The following GRIA3 variants were observed in gnomAD, a reference collection of about 807,000 sequenced individuals.
GRIA3 encodes glutamate ionotropic receptor AMPA type subunit 3.
A neutral mutation model predicts 63.0 loss-of-function variants in GRIA3; 3 were observed. That is an observed-to-expected ratio of 0.05 (90% CI 0.02 to 0.12). The LOEUF is 0.12. Among genes scored for constraint, GRIA3 ranks in the 10% least tolerant of loss-of-function variants. The pLI is 1.00. For synonymous variants in GRIA3, 274 were observed against 257.9 expected (o/e 1.06, Z -0.60); for missense variants, 347 against 700.9 (o/e 0.50, Z 5.70).
intron 3 of GRIA3, among the ~76,000 whole-genome samples, chrX:123,286,998 C>T (rs1404673003): frequency 2.7e-5 from 3 of 111,516 alleles, no homozygotes; most frequent in African/African-American, 6.5e-5. Flanking sequence ...TGATGAACAT[C>T]GATGCAAAAA....
At chrX:123,250,856 C>T (rs1227656371) in intron 2 of GRIA3, among the ~76,000 whole-genome samples, 1 of 111,985 alleles carries the variant, frequency 8.9e-6, no homozygotes, top group Non-Finnish European at 1.9e-5. Flanking sequence ...ACCTGAAATT[C>T]AAATTTAATT....
At chrX:123,311,500 G>A (rs1429789924) in intron 3 of GRIA3, among the ~76,000 whole-genome samples, 1 of 112,337 alleles carries the variant, frequency 8.9e-6, no homozygotes, top group Non-Finnish European at 1.9e-5. Flanking sequence ...CTCCAAGATA[G>A]TATTCAAATT....
chrX:123,276,073 G>C (rs1046250291), intron 3 of GRIA3, among the ~76,000 whole-genome samples: 2 of 112,044 alleles, frequency 1.8e-5, no homozygotes, highest in African/African-American at 6.5e-5. Context: ...GACTTACCTA[G>C]GGTCACACAG....
chrX:123,363,784 G>C (rs2045193263), intron 5 of GRIA3, among the ~76,000 whole-genome samples: 1 of 112,427 alleles, frequency 8.9e-6, no homozygotes, highest in South Asian at 3.7e-4. Context: ...AAATCAAAAT[G>C]GGTAGTTTCC....
At chrX:123,351,319 A>T (rs2045092678) in intron 4 of GRIA3, among the ~76,000 whole-genome samples, 1 of 111,810 alleles carries the variant, frequency 8.9e-6, no homozygotes, top group Non-Finnish European at 1.9e-5. Flanking sequence ...CTGTACCAAA[A>T]ATTCAAAAAA....
intron 3 of GRIA3, among the ~76,000 whole-genome samples, chrX:123,305,267 A>G (rs1357877601): frequency 9.0e-6 from 1 of 111,691 alleles, no homozygotes; most frequent in East Asian, 2.8e-4. Context: ...AACTCTGCTC[A>G]TGATTCTAAC....
intron 3 of GRIA3, among the ~76,000 whole-genome samples, chrX:123,291,282 G>T (rs940003297): frequency 9.0e-6 from 1 of 111,312 alleles, no homozygotes; most frequent in Non-Finnish European, 1.9e-5. Flanking sequence ...AGATAACAAG[G>T]CTGCAAGTAG....
At chrX:123,420,908 C>T (rs1603145740) in intron 11 of GRIA3, among the ~76,000 whole-genome samples, 1 of 110,926 alleles carries the variant, frequency 9.0e-6, no homozygotes, top group Admixed American at 9.6e-5. Flanking sequence ...AGAGCAATGG[C>T]TTTCAAAATT....
chrX:123,270,860 CATTT>C (rs1225477133), intron 3 of GRIA3, among the ~76,000 whole-genome samples: 2 of 112,437 alleles, frequency 1.8e-5, no homozygotes, highest in Admixed American at 9.4e-5. Context: ...CATGAAATCA[CATTT>C]AGTTAGTAAT....
chrX:123,185,396 G>A (rs1927236033), intron 1 of GRIA3, among the ~76,000 whole-genome samples: 1 of 108,929 alleles, frequency 9.2e-6, no homozygotes, highest in African/African-American at 3.4e-5. Context: ...ACGGGGGAGG[G>A]TGGCTATGGG....
At chrX:123,374,252 A>G (rs1175610606) in intron 5 of GRIA3, among the ~76,000 whole-genome samples, 1 of 111,725 alleles carries the variant, frequency 9.0e-6, no homozygotes, top group East Asian at 2.8e-4. Flanking sequence ...TGTTTTGGTT[A>G]CTGTAGCCTT....
chrX:123,372,377 A>C (rs1270019089), intron 5 of GRIA3, among the ~76,000 whole-genome samples: 1 of 111,669 alleles, frequency 9.0e-6, no homozygotes, highest in Non-Finnish European at 1.9e-5. Context: ...ATTTCATATA[A>C]GTTTTAGGAT....
rs374514027 is a variant in GRIA3, at chrX:123,404,520, C to CA, written c.1294-170dup. ...ATTACCAGTTAAGGACTCCCCCTAC[C>CA]AAAAAAAAAAAAAAAAAAGTGACCC... is the stretch of plus-strand genomic sequence containing the variant. On this transcript the variant is annotated intron_variant, in intron 9 of 15. Transcript: ENST00000620443. Among the ~76,000 whole-genome samples the CA allele has an allele frequency of 0.027, 1,762 of 65,449 alleles. 20 individuals are homozygous for CA. The highest frequency in any genetic ancestry group is 0.039 in the Non-Finnish European group (1,290 of 32,678). 56.8% of individuals were successfully genotyped at this position (65,449 alleles called of 115,157 possible).
rs140541416 is a variant in GRIA3, at chrX:123,342,984, C to T, written c.697-11926C>T. On this transcript the variant is annotated intron_variant, in intron 4 of 15. Coordinates refer to ENST00000620443, the MANE Select transcript of GRIA3 (RefSeq NM_007325.5). ...TATTACAGCTTCCAACATTTAGTTC[C>T]TGGGTTCTTGAGTCAGATAAATCAG... Among the ~76,000 whole-genome samples, 135 of 111,273 alleles carry T rather than the reference C, an allele frequency of 1.2e-3. 1 individual carries two copies. The highest frequency in any genetic ancestry group is 4.6e-3 in the Middle Eastern group (1 of 216).
intron 4 of GRIA3, among the ~76,000 whole-genome samples, chrX:123,342,039 A>G (rs1185699322): frequency 9.0e-6 from 1 of 111,154 alleles, no homozygotes; most frequent in African/African-American, 3.3e-5. Flanking sequence ...GCCTAAGACC[A>G]CATGGTTAAA....
chrX:123,410,642 G>C (rs1219297354), intron 10 of GRIA3, among the ~76,000 whole-genome samples: 1 of 111,812 alleles, frequency 8.9e-6, no homozygotes, highest in Non-Finnish European at 1.9e-5. Context: ...GAGAAGCAAG[G>C]GTCCAGTAAC....
chrX:123,362,327 C>T (rs1315477858), intron 5 of GRIA3, among the ~76,000 whole-genome samples: 1 of 111,343 alleles, frequency 9.0e-6, no homozygotes, highest in Non-Finnish European at 1.9e-5. Context: ...GAAGTCAATA[C>T]CGTGGAAGTC....
chrX:123,443,454 GT>G (rs1246537293), intron 12 of GRIA3, among the ~76,000 whole-genome samples: 18 of 111,689 alleles, frequency 1.6e-4, no homozygotes, highest in African/African-American at 5.5e-4. Flanking sequence ...CCAAGTGCTG[GT>G]TATCAGTGGA....
chrX:123,478,474 A>G (rs1199043651), intron 13 of GRIA3, among the ~76,000 whole-genome samples: 1 of 112,111 alleles, frequency 8.9e-6, no homozygotes. Context: ...GCTAACCAAG[A>G]AAGTTACCTC....
Sources: allele counts gnomAD v4.1 joint callset (sites outside exome capture counted in the v4.1 genomes callset), GRCh38; gene constraint gnomAD v4.1.1; transcripts MANE v1.5; gene names NCBI Gene and HGNC (gene_info 2026-07-23, HGNC 2026-07-21).